FOCAD: variants seen among roughly 807,000 people sequenced by gnomAD.
The protein encoded by FOCAD is focadhesin.
A neutral mutation model predicts 225.6 loss-of-function variants in FOCAD; 198 were observed. That is an observed-to-expected ratio of 0.88 (90% confidence interval 0.78 to 0.99). FOCAD has a LOEUF of 0.99. Ranked by LOEUF, FOCAD falls within the 50% of genes least tolerant of loss-of-function variation. The pLI is 0.00. For synonymous variants in FOCAD, 897 were observed against 755.0 expected, an observed-to-expected ratio of 1.19 and a Z score of -3.08; for missense variants, 2,713 against 2,123.6, an observed-to-expected ratio of 1.28 and a Z score of -5.46.
chr9:20,836,844 G>T (rs1262094044), intron 15 of FOCAD, among the ~76,000 whole-genome samples: 1 of 151,902 alleles, frequency 6.6e-6, no homozygotes, highest in East Asian at 1.9e-4. Context: ...TGAAAGGTTT[G>T]TTGCTTAAAA....
intron 11 of FOCAD, among the ~76,000 whole-genome samples, chr9:20,814,222 A>G (rs1823398345): frequency 6.6e-6 from 1 of 151,594 alleles, no homozygotes; most frequent in Non-Finnish European, 1.5e-5. Context: ...TACTATTGCC[A>G]TTTTGTTAAT....
Position 20,909,264 on chromosome 9 carries a change from C to A in FOCAD, c.2718+2022C>A, listed in dbSNP as rs574412910. Among the ~76,000 whole-genome samples, 55 of 151,894 alleles carry A rather than the reference C, an allele frequency of 3.6e-4. 1 individual carries two copies. In the South Asian group the frequency reaches 0.011, roughly 29 times the overall value. The stretch of plus-strand genomic sequence containing the variant: ...ACCCTTTGAAGTAGATGTTATTAAC[C>A]CCATGTATAATGGGATTATAGATGG... On this transcript the variant is annotated intron_variant, in intron 22 of 43. Coordinates refer to ENST00000338382, the MANE Select transcript of FOCAD (RefSeq NM_001375567.1).
intron 9 of FOCAD, among the ~76,000 whole-genome samples, chr9:20,781,393 T>C (rs984022725): frequency 2.0e-5 from 3 of 152,232 alleles, no homozygotes; most frequent in African/African-American, 7.2e-5. Flanking sequence ...GATCCAGGAA[T>C]TCTTGGTCTC....
chr9:20,950,907 A>G, intron 33 of FOCAD, 89 bp from the exon 34 acceptor site: 1 of 1,126,294 alleles, frequency 8.9e-7, no homozygotes, highest in Middle Eastern at 2.2e-4. Context: ...ACCACCTCCT[A>G]AATGACTGGT....
At chr9:20,760,576 C>T (rs1352931992) in intron 6 of FOCAD, among the ~76,000 whole-genome samples, 1 of 152,218 alleles carries the variant, frequency 6.6e-6, no homozygotes, top group African/African-American at 2.4e-5. Context: ...TTACCCCACT[C>T]TCTTTCTGAT....
intron 15 of FOCAD, 45 bp from the exon 16 acceptor site, chr9:20,862,533 G>C (rs1457401910): frequency 6.3e-7 from 1 of 1,598,024 alleles, no homozygotes; most frequent in Non-Finnish European, 8.5e-7. Flanking sequence ...GCTTCATATA[G>C]GTTGGAGTCT....
chr9:20,781,916 A>G lies in FOCAD; in HGVS notation c.1184A>G (p.Asp395Gly). The change falls in exon 10 of 44, where the codon GAT becomes GGT. Residue 395 changes from aspartate to glycine, a missense_variant. Asp to Gly is a moderately conservative substitution (Grantham distance 94). Transcript: ENST00000338382. ...ATGATACAGCAGGAATGTTACAGAG[A>G]TGACCACCAAAAGGTAATGAATCTA... ...LEMIQQECYR[D>G]DHQKLSYKLV... 4.3e-6 allele frequency: 7 copies of G among 1,613,828 alleles called. No individual in the cohort carries two copies. The highest frequency in any genetic ancestry group is 5.9e-6 in the Non-Finnish European group (7 of 1,179,782).
At position 20,926,425 on chromosome 9, in the gene FOCAD, CA is replaced by C. The variant is rs1564161756; in HGVS notation, c.3078+14del. On this transcript the variant is annotated intron_variant, in intron 26 of 43. Coordinates refer to ENST00000338382, the MANE Select transcript of FOCAD (RefSeq NM_001375567.1). Reference sequence around the variant, plus strand: ...CTCTCCTGGTTTTATTATGTAAGTGCAAAAAATAAAAAATGATCAGAAAACT... The same window carrying C: ...CTCTCCTGGTTTTATTATGTAAGTGCAAAAATAAAAAATGATCAGAAAACT... 2 of 1,499,510 alleles carry C rather than the reference CA, an allele frequency of 1.3e-6. No individual in the cohort carries two copies. Among genetic ancestry groups the C allele is most frequent in the Non-Finnish European group, 1.9e-6 (2 of 1,079,212 alleles). The allele number at this position is 1,499,510 out of a possible 1,614,324, so 92.9% of individuals were successfully genotyped here.
intron 1 of FOCAD, among the ~76,000 whole-genome samples, chr9:20,685,847 G>T (rs970115010): frequency 1.3e-5 from 2 of 152,124 alleles, no homozygotes; most frequent in East Asian, 1.9e-4. Flanking sequence ...TAACCAAAAG[G>T]TTATCAGGAG....
intron 8 of FOCAD, among the ~76,000 whole-genome samples, chr9:20,778,377 C>T (rs76006835): frequency 0.038 from 5,830 of 152,060 alleles, 147 homozygotes; most frequent in African/African-American, 0.072. Flanking sequence ...GGAAATTAGC[C>T]TGGCTAATTT....
intron 11 of FOCAD, among the ~76,000 whole-genome samples, chr9:20,815,127 T>TTTTTTTTTTG (rs1224507149): frequency 1.6e-4 from 16 of 99,426 alleles, no homozygotes; most frequent in African/African-American, 6.5e-4. Context: ...CTCTTTGTTT[T>TTTTTTTTTTG]TTTTTTTTTG....
chr9:20,886,285 T>G (rs1831098747), intron 21 of FOCAD, among the ~76,000 whole-genome samples: 1 of 152,192 alleles, frequency 6.6e-6, no homozygotes, highest in Non-Finnish European at 1.5e-5. Context: ...AGAGCAACGC[T>G]TTTCTAGGAG....
At chr9:20,910,032 T>C (rs1833309624) in intron 22 of FOCAD, among the ~76,000 whole-genome samples, 1 of 152,120 alleles carries the variant, frequency 6.6e-6, no homozygotes, top group Non-Finnish European at 1.5e-5. Flanking sequence ...AGGATGTAAG[T>C]CTGAGATCTG....
intron 11 of FOCAD, among the ~76,000 whole-genome samples, chr9:20,815,124 T>G (rs10964725): frequency 0.28 from 7,845 of 28,218 alleles, 867 homozygotes; most frequent in African/African-American, 0.32. Context: ...CTTCTCTTTG[T>G]TTTTTTTTTT....
chr9:20,850,107 T>C (rs1827502153), intron 15 of FOCAD, among the ~76,000 whole-genome samples: 1 of 151,614 alleles, frequency 6.6e-6, no homozygotes, highest in African/African-American at 2.4e-5. Context: ...ATGATGCAAC[T>C]CAAAATTTAA....
chr9:20,891,071 A>C (rs1831572107), intron 21 of FOCAD, among the ~76,000 whole-genome samples: 1 of 152,022 alleles, frequency 6.6e-6, no homozygotes, highest in Non-Finnish European at 1.5e-5. Flanking sequence ...CTTTTTTATC[A>C]TCATGTCTGT....
At chr9:20,786,460 A>G (rs1436655181) in intron 10 of FOCAD, among the ~76,000 whole-genome samples, 1 of 152,166 alleles carries the variant, frequency 6.6e-6, no homozygotes, top group Non-Finnish European at 1.5e-5. Flanking sequence ...AGTGCTAGAA[A>G]GGCTCTCTTG....
At chr9:20,722,046 C>T (rs1414027480) in intron 4 of FOCAD, among the ~76,000 whole-genome samples, 3 of 131,736 alleles carry the variant, frequency 2.3e-5, no homozygotes, top group African/African-American at 8.7e-5. Context: ...CTCTCTCTCT[C>T]TTTCTCTCTT....
At chr9:20,717,472 T>A (rs2131525490) in intron 2 of FOCAD, among the ~76,000 whole-genome samples, 1 of 152,318 alleles carries the variant, frequency 6.6e-6, no homozygotes, top group South Asian at 2.1e-4. Flanking sequence ...CTCATTCATG[T>A]TTTAATGGAG....
Sources: allele counts gnomAD v4.1 joint callset (sites outside exome capture counted in the v4.1 genomes callset), GRCh38; gene constraint gnomAD v4.1.1; transcripts MANE v1.5; gene names NCBI Gene and HGNC (gene_info 2026-07-23, HGNC 2026-07-21).